The following COL11A1 variants were observed in gnomAD, a reference collection of about 807,000 sequenced individuals.
COL11A1 encodes the protein collagen alpha-1(XI) chain.
COL11A1 carries 74 observed loss-of-function variants against 265.2 expected under a neutral mutation model. The ratio of observed to expected loss-of-function variants is 0.28; its 90% CI spans 0.23 to 0.34. The LOEUF (loss-of-function observed/expected upper bound fraction) is 0.34, where lower values mean the gene tolerates loss of function less well. Among genes scored for constraint, COL11A1 ranks in the 10% least tolerant of loss-of-function variants. The probability of loss-of-function intolerance (pLI) is 1.00; values close to 1 mark genes in which losing one functional copy is unlikely to be tolerated. For synonymous variants in COL11A1, 816 were observed against 727.6 expected (o/e 1.12, Z -1.96); for missense variants, 2,165 against 2,263.6 (o/e 0.96, Z 0.88).
intron 54 of COL11A1, among the ~76,000 whole-genome samples, chr1:102,909,487 A>C (rs1654391272): frequency 6.6e-6 from 1 of 151,650 alleles, no homozygotes; most frequent in South Asian, 2.1e-4. Flanking sequence ...TTAAAGCAAC[A>C]AATAACTAAA....
At chr1:103,026,725 C>T (rs1478893562) in intron 5 of COL11A1, among the ~76,000 whole-genome samples, 1 of 151,892 alleles carries the variant, frequency 6.6e-6, no homozygotes, top group Non-Finnish European at 1.5e-5. Context: ...ACAGTAATTT[C>T]AATGGGAATT....
chr1:102,930,186 A>G (rs7413913), intron 46 of COL11A1, among the ~76,000 whole-genome samples: 80,588 of 151,598 alleles, frequency 0.53, 25,676 homozygotes, highest in East Asian at 0.77. Flanking sequence ...CAAAGGGAAT[A>G]CTTCCAGTTT....
At chr1:102,920,691 T>G (rs1655885602) in intron 48 of COL11A1, among the ~76,000 whole-genome samples, 1 of 152,128 alleles carries the variant, frequency 6.6e-6, no homozygotes, top group Non-Finnish European at 1.5e-5. Context: ...TTGTAGTGAA[T>G]CAAAATTATG....
intron 2 of COL11A1, 63 bp downstream of exon 2, chr1:103,082,742 G>C: frequency 2.9e-6 from 4 of 1,372,304 alleles, no homozygotes; most frequent in Non-Finnish European, 4.1e-6. Flanking sequence ...AGTAGTTTTA[G>C]TAGTAACAAA....
At chr1:102,927,407 C>T (rs953324129) in intron 46 of COL11A1, among the ~76,000 whole-genome samples, 3 of 152,004 alleles carry the variant, frequency 2.0e-5, no homozygotes, top group Non-Finnish European at 4.4e-5. Context: ...GAACATCAAG[C>T]GGAAGGTAAA....
At chr1:102,941,662 A>T (rs1324469800) in intron 42 of COL11A1, among the ~76,000 whole-genome samples, 2 of 152,102 alleles carry the variant, frequency 1.3e-5, no homozygotes, top group African/African-American at 2.4e-5. Context: ...TGCATAGTTA[A>T]TTCCTTCTCA....
chr1:102,939,872 C>G (rs1193844035), intron 43 of COL11A1, among the ~76,000 whole-genome samples: 1 of 151,850 alleles, frequency 6.6e-6, no homozygotes, highest in Non-Finnish European at 1.5e-5. Context: ...TAACACACAG[C>G]CATACATTTG....
Position 102,962,205 on chromosome 1 carries a change from G to A in COL11A1, c.3085C>T (p.Pro1029Ser), listed in dbSNP as rs554196989. 4 of 1,613,544 alleles carry A rather than the reference G, an allele frequency of 2.5e-6. No homozygotes were observed. Among genetic ancestry groups the A allele is most frequent in the African/African-American group, 2.7e-5 (2 of 74,918 alleles). The change falls in exon 40 of 67, where the codon CCA (proline) becomes TCA (serine). Residue 1029 changes from proline (P) to serine (S), a missense_variant. Physicochemically the swap from Pro to Ser is moderately conservative, Grantham distance 74 (BLOSUM62 -1). Coordinates refer to ENST00000370096, the MANE Select transcript of COL11A1 (RefSeq NM_001854.4). ...KDGPAGLRGFPGERGLPGAQG... is the reference protein window; with the variant it reads ...KDGPAGLRGFSGERGLPGAQG... Reference sequence around the variant, plus strand: ...GCTCCAGGAAGACCTCTTTCCCCTGGGAAACCACGTAATCCTGCTGGTCCA... The same window carrying A: ...GCTCCAGGAAGACCTCTTTCCCCTGAGAAACCACGTAATCCTGCTGGTCCA...
chr1:102,934,974 C>G, intron 45 of COL11A1, 86 bp downstream of exon 45: 2 of 1,299,568 alleles, frequency 1.5e-6, no homozygotes, highest in Admixed American at 1.8e-5. Context: ...TATTACCCCA[C>G]AAAATTGACT....
At chr1:103,008,379 AT>A in intron 15 of COL11A1, 83 bp downstream of exon 15, 1 of 1,138,732 alleles carries the variant, frequency 8.8e-7, no homozygotes, top group Non-Finnish European at 1.3e-6. Context: ...CAAAAAAAAA[AT>A]TAACTATTGA....
At chr1:103,085,310 C>T (rs1300754191) in intron 1 of COL11A1, among the ~76,000 whole-genome samples, 3 of 152,180 alleles carry the variant, frequency 2.0e-5, no homozygotes, top group Non-Finnish European at 2.9e-5. Flanking sequence ...GGAGCCCAAC[C>T]CAAACATTCA....
In COL11A1 at chr1:102,940,364, G is replaced by A; in HGVS notation, c.3347C>T (p.Ala1116Val). The A allele has an allele frequency of 1.9e-6, 3 of 1,614,012 alleles. No individual in the cohort carries two copies. The highest frequency in any genetic ancestry group is 2.5e-6 in the Non-Finnish European group (3 of 1,179,934). Residue 1116 changes from alanine to valine, a missense_variant, in exon 43 of 67, where the codon GCT (alanine) becomes GTT (valine). By Grantham distance (64) the Ala-to-Val change is moderately conservative. Transcript: ENST00000370096. ...VQGPVGLPGPAGPAGSPGEDG... is the reference protein window; with the variant it reads ...VQGPVGLPGPVGPAGSPGEDG... ...TTCCCCAGGGGAGCCGGCAGGACCA[G>A]CTGGCCCTGGGAGACCAACAGGACC... is the stretch of plus-strand genomic sequence containing the variant.
chr1:102,931,078 G>A (rs1429720388), intron 46 of COL11A1, among the ~76,000 whole-genome samples: 6 of 139,554 alleles, frequency 4.3e-5, no homozygotes, highest in African/African-American at 1.6e-4. Flanking sequence ...AGGGTTTTTT[G>A]TGTCTCTATT....
chr1:103,048,228 G>T (rs910473820), intron 4 of COL11A1, among the ~76,000 whole-genome samples: 1 of 152,076 alleles, frequency 6.6e-6, no homozygotes. Flanking sequence ...GAATCCATCT[G>T]GTCCTGGACT....
intron 4 of COL11A1, among the ~76,000 whole-genome samples, chr1:103,053,963 G>A (rs1168345582): frequency 2.0e-5 from 3 of 152,162 alleles, no homozygotes; most frequent in Non-Finnish European, 4.4e-5. Context: ...ACATGTTTGT[G>A]AATGCAGTGA....
intron 54 of COL11A1, 40 bp downstream of exon 54, chr1:102,912,119 A>T: frequency 6.6e-7 from 1 of 1,511,876 alleles, no homozygotes; most frequent in Non-Finnish European, 9.1e-7. Flanking sequence ...CATGGTGACT[A>T]ATGAGCATAT....
intron 65 of COL11A1, among the ~76,000 whole-genome samples, chr1:102,880,246 G>GA (rs890780964): frequency 1.1e-4 from 16 of 150,198 alleles, no homozygotes; most frequent in African/African-American, 2.2e-4. Context: ...GTATCTTTTT[G>GA]AAAAAAAAAT....
At chr1:103,038,659 G>A (rs940402825) in intron 4 of COL11A1, among the ~76,000 whole-genome samples, 12 of 152,006 alleles carry the variant, frequency 7.9e-5, no homozygotes, top group Non-Finnish European at 1.2e-4. Context: ...TGTCATTTGA[G>A]GACTCTGATA....
At chr1:102,978,938 C>G in intron 33 of COL11A1, 25 bp from the exon 34 acceptor site, 2 of 1,614,008 alleles carry the variant, frequency 1.2e-6, no homozygotes, top group Non-Finnish European at 1.7e-6. Context: ...AAAAGATGAA[C>G]CCAAACTAAT....
Sources: gnomAD v4.1 joint callset for allele counts (sites outside exome capture counted in the v4.1 genomes callset) on GRCh38, gnomAD v4.1.1 for gene constraint, MANE v1.5 for transcripts, NCBI Gene and HGNC (gene_info 2026-07-23, HGNC 2026-07-21) for gene names.